Variants in PIP5K1B observed in about 807,000 individuals in gnomAD.
PIP5K1B encodes phosphatidylinositol-4-phosphate 5-kinase type 1 beta, also known as phosphatidylinositol 4-phosphate 5-kinase type-1 beta.
A neutral mutation model predicts 67.0 loss-of-function variants in PIP5K1B; 42 were observed. The observed-to-expected ratio is 0.63, with a 90% CI of 0.49 to 0.81. The LOEUF (loss-of-function observed/expected upper bound fraction) is 0.81, where lower values mean the gene tolerates loss of function less well. PIP5K1B is among the 30% of genes least tolerant of loss of function. The pLI is 0.00. For synonymous variants in PIP5K1B, 214 were observed against 231.4 expected (o/e 0.92, Z 0.68); for missense variants, 459 against 646.3 (o/e 0.71, Z 3.14).
intron 1 of PIP5K1B, among the ~76,000 whole-genome samples, chr9:68,713,611 G>C (rs1827499290): frequency 1.3e-5 from 2 of 152,174 alleles, no homozygotes; most frequent in Non-Finnish European, 2.9e-5. Context: ...TATGAGGGGA[G>C]AAATGAAAAA....
intron 14 of PIP5K1B, among the ~76,000 whole-genome samples, chr9:68,948,645 C>A (rs200239928): frequency 2.0e-4 from 29 of 144,196 alleles, no homozygotes; most frequent in Admixed American, 3.5e-4. Context: ...GACCTTGCCT[C>A]AAAAAAAAAA....
intron 4 of PIP5K1B, among the ~76,000 whole-genome samples, chr9:68,862,013 G>A (rs922780182): frequency 2.6e-5 from 4 of 151,978 alleles, no homozygotes; most frequent in Admixed American, 6.5e-5. Context: ...AGAAAAACAC[G>A]AAGACATTTT....
chr9:68,870,044 G>A (rs1294095934), intron 5 of PIP5K1B, among the ~76,000 whole-genome samples: 1 of 152,136 alleles, frequency 6.6e-6, no homozygotes, highest in Admixed American at 6.5e-5. Context: ...TGAGGATGGG[G>A]AGAAACTGAT....
intron 2 of PIP5K1B, among the ~76,000 whole-genome samples, chr9:68,746,383 T>C (rs529084363): frequency 1.3e-5 from 2 of 152,210 alleles, no homozygotes; most frequent in Non-Finnish European, 2.9e-5. Flanking sequence ...TTATATGGCA[T>C]GCACAGAGTT....
chr9:68,949,740 A>G lies in PIP5K1B; in HGVS notation c.1502+8950A>G, dbSNP rs567223420. ...ATATGTGAATCGGGCAGCCCCCAGA[A>G]TCATATAGCAGATTCAGAGAGACTC... On this transcript the variant is annotated intron_variant, in intron 14 of 15. Coordinates refer to ENST00000265382, the MANE Select transcript of PIP5K1B (RefSeq NM_003558.4). Among the ~76,000 whole-genome samples the G allele has an allele frequency of 2.0e-5, 3 of 152,344 alleles. No individual in the cohort carries two copies. The South Asian group carries it at 6.2e-4, about 32-fold the overall frequency.
intron 15 of PIP5K1B, among the ~76,000 whole-genome samples, chr9:68,992,875 C>T (rs1587774951): frequency 8.5e-6 from 1 of 117,618 alleles, no homozygotes; most frequent in African/African-American, 3.1e-5. Flanking sequence ...AAAAAAAGTC[C>T]TGGCTGGGCG....
At chr9:68,824,528 T>A (rs140839356) in intron 4 of PIP5K1B, among the ~76,000 whole-genome samples, 1 of 152,300 alleles carries the variant, frequency 6.6e-6, no homozygotes, top group East Asian at 1.9e-4. Context: ...ACCAGAAATT[T>A]TTTTTAATGA....
At chr9:68,750,940 T>G (rs973124158) in intron 2 of PIP5K1B, among the ~76,000 whole-genome samples, 2 of 152,210 alleles carry the variant, frequency 1.3e-5, no homozygotes, top group Non-Finnish European at 2.9e-5. Context: ...AATTCCTAAG[T>G]CTTTCAAAGG....
intron 4 of PIP5K1B, among the ~76,000 whole-genome samples, chr9:68,840,542 A>G (rs545552316): frequency 8.7e-4 from 132 of 152,242 alleles, no homozygotes; most frequent in Non-Finnish European, 1.7e-3. Flanking sequence ...TCAAGGTGTC[A>G]GTGTGGCTGT....
intron 5 of PIP5K1B, among the ~76,000 whole-genome samples, chr9:68,874,478 C>T (rs773325993): frequency 3.9e-5 from 6 of 152,094 alleles, no homozygotes; most frequent in Non-Finnish European, 8.8e-5. Flanking sequence ...CTAACACTAT[C>T]GTTTTATACC....
intron 1 of PIP5K1B, among the ~76,000 whole-genome samples, chr9:68,725,727 T>A (rs1449287003): frequency 1.3e-5 from 2 of 152,172 alleles, no homozygotes; most frequent in African/African-American, 2.4e-5. Context: ...GAACCCTGAA[T>A]GTGGACGTTT....
intron 2 of PIP5K1B, among the ~76,000 whole-genome samples, chr9:68,810,092 A>C (rs1054450703): frequency 1.3e-5 from 2 of 152,264 alleles, no homozygotes; most frequent in African/African-American, 4.8e-5. Context: ...CCAAGGCCCA[A>C]ATTATCTTCC....
intron 14 of PIP5K1B, among the ~76,000 whole-genome samples, chr9:68,985,540 C>A (rs1830064197): frequency 6.6e-6 from 1 of 152,236 alleles, no homozygotes; most frequent in South Asian, 2.1e-4. Flanking sequence ...GCATGAGCCA[C>A]CACACCTGGC....
chr9:68,948,270 A>G (rs1320241456), intron 14 of PIP5K1B, among the ~76,000 whole-genome samples: 2 of 152,232 alleles, frequency 1.3e-5, no homozygotes, highest in East Asian at 1.9e-4. Flanking sequence ...CAAAACCATT[A>G]TAGCATTACC....
chr9:68,849,461 A>G (rs539613555), intron 4 of PIP5K1B, among the ~76,000 whole-genome samples: 100 of 152,250 alleles, frequency 6.6e-4, no homozygotes, highest in Middle Eastern at 6.8e-3. Flanking sequence ...GCTCACTGCA[A>G]CCTCCGCCTC....
chr9:68,809,357 TA>T (rs1564152190), intron 2 of PIP5K1B, among the ~76,000 whole-genome samples: 1 of 151,814 alleles, frequency 6.6e-6, no homozygotes, highest in Non-Finnish European at 1.5e-5. Flanking sequence ...GTAAGGGCTC[TA>T]GAAGAAGAAC....
At chr9:68,887,063 C>T (rs1283917178) in intron 6 of PIP5K1B, among the ~76,000 whole-genome samples, 2 of 152,234 alleles carry the variant, frequency 1.3e-5, no homozygotes, top group Non-Finnish European at 2.9e-5. Context: ...TCAACCTCTG[C>T]TCCAATGTCA....
At chr9:68,780,680 A>G in intron 2 of PIP5K1B, 1 of 1,614,194 alleles carries the variant, frequency 6.2e-7, no homozygotes, top group Non-Finnish European at 8.5e-7. Flanking sequence ...GATTGCCTCC[A>G]AGCCCTATTC....
At chr9:68,883,825 AAC>A (rs59872442) in intron 6 of PIP5K1B, among the ~76,000 whole-genome samples, 123,933 of 149,322 alleles carry the variant, frequency 0.83, 52,114 homozygotes, top group Non-Finnish European at 0.91. Context: ...CCCAGAAATA[AAC>A]ACACACACAC....
Sources: allele counts gnomAD v4.1 joint callset (sites outside exome capture counted in the v4.1 genomes callset), GRCh38; gene constraint gnomAD v4.1.1; transcripts MANE v1.5; gene names NCBI Gene and HGNC (gene_info 2026-07-23, HGNC 2026-07-21).